Variants in KCNMA1 observed in about 807,000 individuals in gnomAD.
KCNMA1 encodes Calcium-activated potassium channel subunit alpha-1.
Under a neutral mutation model 140.0 loss-of-function variants are expected in KCNMA1, and 29 were observed. The observed-to-expected ratio is 0.21, with a 90% CI of 0.15 to 0.28. The LOEUF (loss-of-function observed/expected upper bound fraction) is 0.28, where lower values mean the gene tolerates loss of function less well. KCNMA1 is among the 10% of genes least tolerant of loss of function. KCNMA1 has a pLI of 1.00. For missense variants in KCNMA1, 880 were observed against 1,602.2 expected, an observed-to-expected ratio of 0.55 and a Z score of 7.70; for synonymous variants, 612 against 611.9, an observed-to-expected ratio of 1.00 and a Z score of 0.00.
rs1389900217 is a variant in KCNMA1 at position 77,108,166 on chromosome 10, A to G, written c.1223+315T>C. 2.3e-5 allele frequency: 18 copies of G among 779,756 alleles called. No individual in the cohort carries two copies. The highest frequency in any genetic ancestry group is 3.2e-5 in the Non-Finnish European group (16 of 502,738). The allele number at this position is 779,756 out of a possible 1,614,324, so 48.3% of individuals were successfully genotyped here. A position where few individuals can be genotyped will look rare whatever the true frequency, so the allele number is the denominator to read the frequency against. On this transcript the variant is annotated intron_variant, in intron 9 of 27. Coordinates refer to ENST00000286628, the MANE Select transcript of KCNMA1 (RefSeq NM_001161352.2). This position sits in a 1 kb window ranked among gnomAD's most constrained non-coding sequence, Gnocchi z 4.6. ...CTCTGACATCACACCCCATGCAGAA[A>G]CTGGGCCTTCCCTCACAGAAGCACC...
At chr10:77,012,382 T>A in intron 17 of KCNMA1, 1 of 1,517,696 alleles carries the variant, frequency 6.6e-7, no homozygotes, top group Non-Finnish European at 8.8e-7. Context: ...ATGTGGGCAA[T>A]GAGCCCTGGG....
chr10:77,314,543 A>T (rs1749529623), intron 2 of KCNMA1, among the ~76,000 whole-genome samples: 1 of 152,180 alleles, frequency 6.6e-6, no homozygotes, highest in African/African-American at 2.4e-5. Context: ...AGTTCTAGTT[A>T]TCCTAACAAT....
chr10:77,636,604 C>T (rs1159567085), intron 1 of KCNMA1: 2 of 1,536,166 alleles, frequency 1.3e-6, no homozygotes, highest in Non-Finnish European at 1.7e-6. Flanking sequence ...ATCAGATATG[C>T]GACCTCGACA....
intron 16 of KCNMA1, among the ~76,000 whole-genome samples, chr10:77,026,553 T>C (rs1372867240): frequency 3.9e-5 from 6 of 152,230 alleles, no homozygotes; most frequent in Admixed American, 3.9e-4. Context: ...ACAATATTCT[T>C]CACTTTGCCA....
Position 77,354,965 on chromosome 10 carries a change from T to C in KCNMA1, c.540+48897A>G, listed in dbSNP as rs1408419667. Among the ~76,000 whole-genome samples the C allele has an allele frequency of 2.6e-5, 4 of 152,246 alleles. No homozygotes were observed. In the East Asian group the frequency reaches 7.7e-4, roughly 29 times the overall value. ...CTGAGCATTTGATATGGTTTGGCTC[T>C]GTGTCCCCACCCAAATCTCATCTTG... On this transcript the variant is annotated intron_variant, in intron 2 of 27. Coordinates refer to ENST00000286628, the MANE Select transcript of KCNMA1 (RefSeq NM_001161352.2).
At chr10:76,920,034 A>ATATATATATATATG (rs2054943277) in intron 23 of KCNMA1, among the ~76,000 whole-genome samples, 3 of 110,598 alleles carry the variant, frequency 2.7e-5, no homozygotes, top group African/African-American at 4.1e-5. Flanking sequence ...ATATATATAT[A>ATATATATATATATG]TATATATATA....
At position 76,947,587 on chromosome 10, in the gene KCNMA1, C is replaced by T. The variant is rs185627445; in HGVS notation, c.2709+1555G>A. ...TAACCATGGAATCATATAATCAAAT[C>T]GACCATATTTCTGGAATGAGCAAAG... On this transcript the variant is annotated intron_variant, in intron 22 of 27. Coordinates refer to ENST00000286628, the MANE Select transcript of KCNMA1 (RefSeq NM_001161352.2). Among the ~76,000 whole-genome samples, 34 of 152,274 alleles carry T rather than the reference C, an allele frequency of 2.2e-4. 1 individual carries two copies. The highest frequency in any genetic ancestry group is 1.4e-3 in the Admixed American group (22 of 15,296).
chr10:77,113,068 AT>A (rs894708684), intron 6 of KCNMA1, among the ~76,000 whole-genome samples: 4 of 151,624 alleles, frequency 2.6e-5, no homozygotes, highest in Non-Finnish European at 4.4e-5. Context: ...ATGTTTATTG[AT>A]TTTTTTTTAT....
intron 5 of KCNMA1, among the ~76,000 whole-genome samples, chr10:77,171,305 A>G (rs921312328): frequency 6.6e-6 from 1 of 152,102 alleles, no homozygotes; most frequent in African/African-American, 2.4e-5. Context: ...TATCTAGAAT[A>G]CATAGTGTGC....
At chr10:77,491,765 C>T (rs986596196) in intron 1 of KCNMA1, among the ~76,000 whole-genome samples, 3 of 151,220 alleles carry the variant, frequency 2.0e-5, no homozygotes, top group African/African-American at 7.3e-5. Context: ...CCTACATATA[C>T]CACCAGGGAG....
At chr10:77,499,404 T>TAC (rs1491089965) in intron 1 of KCNMA1, among the ~76,000 whole-genome samples, 32 of 37,102 alleles carry the variant, frequency 8.6e-4, no homozygotes, top group East Asian at 3.4e-3. Flanking sequence ...AGTAGGCATG[T>TAC]ATATATATAT....
At chr10:77,295,383 T>C (rs962568097) in intron 2 of KCNMA1, among the ~76,000 whole-genome samples, 3 of 151,386 alleles carry the variant, frequency 2.0e-5, no homozygotes. Context: ...AAGTGCACCA[T>C]CATTTTTTAA....
At chr10:76,939,485 T>C (rs2061456210) in intron 23 of KCNMA1, 1 of 152,162 alleles carries the variant, frequency 6.6e-6, no homozygotes, top group Admixed American at 6.5e-5. Flanking sequence ...TCCCTTTGTG[T>C]TCCTCTATTT....
At chr10:76,884,691 C>T (rs149810273), downstream of KCNMA1, 16 of 314,022 alleles carry the variant, frequency 5.1e-5, no homozygotes, top group Admixed American at 5.8e-4. Context: ...AAAACAAACT[C>T]TAAGGAATCT....
intron 1 of KCNMA1, among the ~76,000 whole-genome samples, chr10:77,423,824 T>A (rs1381162253): frequency 6.6e-6 from 1 of 152,212 alleles, no homozygotes; most frequent in African/African-American, 2.4e-5. Context: ...GAGAGGGGTC[T>A]GATTCTTTGA....
chr10:77,403,990 C>T lies in KCNMA1; in HGVS notation c.412G>A (p.Ala138Thr), dbSNP rs1232345261. ...AQKINNGSSQ[A>T]DGTLKPVDEK... ...TCCACTGGTTTGAGAGTGCCATCCG[C>T]CTGGCTTGAGCCATTGTTAATCTTC... is the stretch of plus-strand genomic sequence containing the variant. The change falls in exon 2 of 28, where the codon GCG becomes ACG. Residue 138 changes from alanine to threonine, a missense_variant. Ala to Thr is a moderately conservative substitution (Grantham distance 58). Coordinates refer to ENST00000286628, the MANE Select transcript of KCNMA1 (RefSeq NM_001161352.2). 3 of 1,614,056 alleles carry T rather than the reference C, an allele frequency of 1.9e-6. No homozygotes were observed. The African/African-American group carries it at 4.0e-5, about 22-fold the overall frequency.
intron 3 of KCNMA1, among the ~76,000 whole-genome samples, chr10:77,199,700 T>C (rs745761355): frequency 4.6e-5 from 7 of 152,040 alleles, no homozygotes; most frequent in African/African-American, 7.2e-5. Context: ...GATTAGAAAC[T>C]CATCAGCGTG....
At position 77,505,589 on chromosome 10, in the gene KCNMA1, G is replaced by A. The variant is rs540982211; in HGVS notation, c.379-101566C>T. Among the ~76,000 whole-genome samples the A allele has an allele frequency of 1.1e-4, 17 of 152,244 alleles. 1 individual carries two copies. The South Asian group carries it at 3.5e-3, about 32-fold the overall frequency. The stretch of plus-strand genomic sequence containing the variant: ...CCTGGCTTTAGCCCCAGGCCATGAA[G>A]AATGAGTGGAATTTCAGGATACACA... On this transcript the variant is annotated intron_variant, in intron 1 of 27. Coordinates refer to ENST00000286628, the MANE Select transcript of KCNMA1 (RefSeq NM_001161352.2).
chr10:77,072,471 T>C (rs769556876), intron 14 of KCNMA1, among the ~76,000 whole-genome samples: 7 of 146,722 alleles, frequency 4.8e-5, no homozygotes, highest in South Asian at 2.4e-4. Flanking sequence ...TATGGCCACC[T>C]TGGGGACTCT....
Sources: allele counts gnomAD v4.1 joint callset (sites outside exome capture counted in the v4.1 genomes callset), GRCh38; gene constraint gnomAD v4.1.1; non-coding constraint Gnocchi (gnomAD v3.1); transcripts MANE v1.5; gene names NCBI Gene and HGNC (gene_info 2026-07-23, HGNC 2026-07-21).